The following TAFA5 variants were observed in gnomAD, a reference collection of about 807,000 sequenced individuals.
The protein encoded by TAFA5 is TAFA chemokine like family member 5.
A neutral mutation model predicts 15.3 loss-of-function variants in TAFA5; 6 were observed. The observed-to-expected ratio is 0.39, with a 90% confidence interval of 0.21 to 0.77. TAFA5 has a LOEUF of 0.77. TAFA5 is among the 30% of genes least tolerant of loss of function. TAFA5 has a pLI of 0.41. For synonymous variants in TAFA5, 103 were observed against 80.7 expected (o/e 1.28, Z -1.48); for missense variants, 161 against 193.1 (o/e 0.83, Z 0.98).
At chr22:48,642,874 CAG>C (rs1356972543) in intron 1 of TAFA5, among the ~76,000 whole-genome samples, 1 of 152,116 alleles carries the variant, frequency 6.6e-6, no homozygotes, top group Non-Finnish European at 1.5e-5. Context: ...ACAGGGGGAA[CAG>C]CTGTGGGAGA....
rs77090039 is a variant in TAFA5, at chr22:48,693,418, G to A, written c.263-14299G>A. 14,157 of 1,611,416 alleles carry A rather than the reference G, an allele frequency of 8.8e-3. 636 individuals carry two copies. The African/African-American group carries it at 0.13, about 14-fold the overall frequency. ...ATCCGTGCGCGTCATAGTGCAGCCC[G>A]TGCAGGCAGTAAAGGAGGGACTGCG... is the stretch of plus-strand genomic sequence containing the variant. On this transcript the variant is annotated intron_variant, in intron 2 of 3. Coordinates refer to ENST00000402357, the MANE Select transcript of TAFA5 (RefSeq NM_001082967.3).
At chr22:48,518,187 A>T (rs1601844750) in intron 1 of TAFA5, among the ~76,000 whole-genome samples, 1 of 152,182 alleles carries the variant, frequency 6.6e-6, no homozygotes, top group East Asian at 1.9e-4. Context: ...CCAGGAGCTG[A>T]GATGGTACCC....
intron 3 of TAFA5, among the ~76,000 whole-genome samples, chr22:48,708,560 CCA>C (rs1176795252): frequency 6.6e-6 from 1 of 152,206 alleles, no homozygotes; most frequent in Non-Finnish European, 1.5e-5. Context: ...GGAGGGGAGC[CCA>C]CGCCCACGTG....
chr22:48,733,910 G>C (rs1929937501), intron 3 of TAFA5, among the ~76,000 whole-genome samples: 1 of 152,182 alleles, frequency 6.6e-6, no homozygotes, highest in African/African-American at 2.4e-5. Context: ...CCCTGGACCA[G>C]ACTAATAAAA....
In TAFA5 at chr22:48,580,084, G is replaced by A. The variant is rs570422917; in HGVS notation, c.113-66513G>A. ...CCGCGGCACGGTGTACCCGGGCCTCGATTCCAGAAGCGCTTTCAGAACCGC... is the reference window on the plus strand; with the variant it reads ...CCGCGGCACGGTGTACCCGGGCCTCAATTCCAGAAGCGCTTTCAGAACCGC... On this transcript the variant is annotated intron_variant, in intron 1 of 3. Coordinates refer to ENST00000402357, the MANE Select transcript of TAFA5 (RefSeq NM_001082967.3). Among the ~76,000 whole-genome samples, 24 of 152,326 alleles carry A rather than the reference G, an allele frequency of 1.6e-4. No individual in the cohort carries two copies. In the East Asian group the frequency reaches 4.4e-3, roughly 28 times the overall value.
chr22:48,672,094 C>A (rs983027785), intron 2 of TAFA5, among the ~76,000 whole-genome samples: 7 of 152,210 alleles, frequency 4.6e-5, no homozygotes, highest in African/African-American at 1.7e-4. Flanking sequence ...ATTATATTTA[C>A]CAAGCTCAGC....
intron 1 of TAFA5, among the ~76,000 whole-genome samples, chr22:48,603,871 C>T (rs1015169239): frequency 5.3e-5 from 8 of 152,258 alleles, no homozygotes; most frequent in African/African-American, 1.9e-4. Flanking sequence ...GCTCCCAACT[C>T]GTGCGTCTCA....
At chr22:48,563,627 GC>G (rs1334574970) in intron 1 of TAFA5, among the ~76,000 whole-genome samples, 2 of 152,176 alleles carry the variant, frequency 1.3e-5, no homozygotes, top group East Asian at 1.9e-4. Context: ...TGGGCTCTCT[GC>G]CCCTCGGACT....
rs993771581 is a variant in TAFA5 at position 48,490,198 on chromosome 22, A to G, written c.112+494A>G. Among the ~76,000 whole-genome samples, 1 of 152,130 alleles carries G rather than the reference A, an allele frequency of 6.6e-6. No individual in the cohort carries two copies. Among genetic ancestry groups the G allele is most frequent in the Non-Finnish European group, 1.5e-5 (1 of 68,008 alleles). ...GAGCCCAGCCTGGGCTCGGAGGAGC[A>G]GCTGGAGCTTCCGCTTTCCCGGGAA... On this transcript the variant is annotated intron_variant, in intron 1 of 3. Transcript: ENST00000402357. The surrounding 1 kb of genome is among the most constrained non-coding windows in gnomAD (Gnocchi z 5.8).
At chr22:48,613,545 C>G (rs1925488027) in intron 1 of TAFA5, among the ~76,000 whole-genome samples, 1 of 152,228 alleles carries the variant, frequency 6.6e-6, no homozygotes, top group African/African-American at 2.4e-5. Flanking sequence ...GAGACGGACT[C>G]CTGGCCCTGT....
chr22:48,550,260 T>C lies in TAFA5; in HGVS notation c.112+60556T>C, dbSNP rs1922812423. Among the ~76,000 whole-genome samples the C allele has an allele frequency of 6.6e-6, 1 of 152,216 alleles. No individual in the cohort carries two copies. Among genetic ancestry groups the C allele is most frequent in the Non-Finnish European group, 1.5e-5 (1 of 68,038 alleles). ...CCAGGGCCTGGGCAGATGGCGCATC[T>C]GGCCGGGATAAGGTGTAGGCCTGGG... On this transcript the variant is annotated intron_variant, in intron 1 of 3. Coordinates refer to ENST00000402357, the MANE Select transcript of TAFA5 (RefSeq NM_001082967.3). The surrounding 1 kb of genome is among the most constrained non-coding windows in gnomAD (Gnocchi z 4.1).
chr22:48,725,784 T>C (rs1929698205), intron 3 of TAFA5, among the ~76,000 whole-genome samples: 1 of 150,286 alleles, frequency 6.7e-6, no homozygotes, highest in African/African-American at 2.4e-5. Flanking sequence ...TTGGTAGATC[T>C]GGAGGACAGA....
intron 1 of TAFA5, among the ~76,000 whole-genome samples, chr22:48,538,730 C>T (rs1323163627): frequency 6.6e-6 from 1 of 152,198 alleles, no homozygotes; most frequent in Non-Finnish European, 1.5e-5. Context: ...CCAAACTCAA[C>T]CTCCGGAGCT....
At chr22:48,668,596 G>A (rs1444044957) in intron 2 of TAFA5, among the ~76,000 whole-genome samples, 1 of 56,812 alleles carries the variant, frequency 1.8e-5, no homozygotes, top group Non-Finnish European at 3.1e-5. Context: ...ACTGGGAGCT[G>A]TAGTCCCCCA....
chr22:48,499,051 C>A (rs1248088615), intron 1 of TAFA5, among the ~76,000 whole-genome samples: 1 of 152,206 alleles, frequency 6.6e-6, no homozygotes, highest in Non-Finnish European at 1.5e-5. Context: ...CCTGCAGGCT[C>A]AGTGCAGCCC....
chr22:48,640,699 CAG>C (rs1380706423), intron 1 of TAFA5, among the ~76,000 whole-genome samples: 2 of 152,218 alleles, frequency 1.3e-5, no homozygotes, highest in African/African-American at 2.4e-5. Context: ...CTCTGCCTGT[CAG>C]GGGTCTTCTC....
At chr22:48,663,888 G>A (rs746963891) in intron 2 of TAFA5, among the ~76,000 whole-genome samples, 8 of 152,202 alleles carry the variant, frequency 5.3e-5, no homozygotes, top group Admixed American at 3.3e-4. Context: ...GCAAGAGCAC[G>A]GGTGATGCTG....
rs146996194 is a variant in TAFA5 at position 48,590,368 on chromosome 22, A to C, written c.113-56229A>C. Among the ~76,000 whole-genome samples the C allele has an allele frequency of 2.4e-4, 36 of 152,304 alleles. No individual in the cohort carries two copies. The East Asian group carries it at 5.8e-3, about 25-fold the overall frequency. On this transcript the variant is annotated intron_variant, in intron 1 of 3. Transcript: ENST00000402357. ...ATGCGGATGCGGACGGGCATTTGTT[A>C]TTTTAATAGCTGTGTATCAGCTTTT...
chr22:48,515,554 G>T (rs1921373919), intron 1 of TAFA5, among the ~76,000 whole-genome samples: 1 of 152,042 alleles, frequency 6.6e-6, no homozygotes, highest in Admixed American at 6.6e-5. Context: ...CTTCCCATCT[G>T]CTCGTCTGCT....
Sources: gnomAD v4.1 joint callset for allele counts (sites outside exome capture counted in the v4.1 genomes callset) on GRCh38, gnomAD v4.1.1 for gene constraint, Gnocchi (gnomAD v3.1) non-coding constraint, MANE v1.5 for transcripts, NCBI Gene and HGNC (gene_info 2026-07-23, HGNC 2026-07-21) for gene names.